Variants in CNTNAP5 observed in about 807,000 individuals in gnomAD.
CNTNAP5 encodes the protein contactin-associated protein-like 5.
In CNTNAP5, 72 loss-of-function variants were observed where a neutral mutation model predicts 150.2. That is an observed-to-expected ratio of 0.48 (90% CI 0.40 to 0.58). The LOEUF is 0.58. Ranked by LOEUF, CNTNAP5 falls within the 20% of genes least tolerant of loss-of-function variation. The pLI is 0.00. For synonymous variants in CNTNAP5, 672 were observed against 619.8 expected, an observed-to-expected ratio of 1.08 and a Z score of -1.25; for missense variants, 1,636 against 1,626.2, an observed-to-expected ratio of 1.01 and a Z score of -0.10.
At chr2:124,197,563 A>G (rs1283261880) in intron 1 of CNTNAP5, among the ~76,000 whole-genome samples, 7 of 152,208 alleles carry the variant, frequency 4.6e-5, no homozygotes, top group Admixed American at 4.6e-4. Context: ...CCTAGCACAC[A>G]TGGGGAGGAC....
chr2:124,228,119 A>G (rs1218256554), intron 2 of CNTNAP5, among the ~76,000 whole-genome samples: 3 of 152,108 alleles, frequency 2.0e-5, no homozygotes, highest in Admixed American at 1.3e-4. Context: ...GTGACCCTCC[A>G]TCTGAGGCCC....
chr2:124,430,650 T>C (rs1432213620), intron 4 of CNTNAP5, among the ~76,000 whole-genome samples: 4 of 152,178 alleles, frequency 2.6e-5, no homozygotes, highest in African/African-American at 4.8e-5. Flanking sequence ...ATGTTTCTTA[T>C]GCTTTTTAAC....
intron 17 of CNTNAP5, among the ~76,000 whole-genome samples, chr2:124,786,028 C>T (rs116515573): frequency 4.0e-5 from 6 of 151,788 alleles, no homozygotes; most frequent in African/African-American, 1.5e-4. Context: ...TCGAGCTCAG[C>T]GTTTTGAGAT....
rs986261319 is a variant in CNTNAP5, at chr2:124,025,460, A to G, written c.-191A>G. ...TTGCGGGGACCGTAGCCCCAGCTGC[A>G]GCTCCGAAGAATCCCCCGCCACGGT... On this transcript the variant is annotated 5_prime_UTR_variant, in exon 1 of 24. Coordinates refer to ENST00000682447, the MANE Select transcript of CNTNAP5 (RefSeq NM_001367498.1). 1.7e-6 allele frequency: 1 copy of G among 603,910 alleles called. No homozygotes were observed. Among genetic ancestry groups the G allele is most frequent in the South Asian group, 1.9e-5 (1 of 51,920 alleles). 37.4% of individuals were successfully genotyped at this position (603,910 alleles called of 1,614,324 possible). A position where few individuals can be genotyped will look rare whatever the true frequency, so the allele number is the denominator to read the frequency against.
intron 12 of CNTNAP5, among the ~76,000 whole-genome samples, chr2:124,611,676 CT>C (rs1558704087): frequency 1.3e-5 from 2 of 152,136 alleles, no homozygotes; most frequent in African/African-American, 4.8e-5. Flanking sequence ...TTTTACTGAG[CT>C]TTTCAAGTGA....
intron 23 of CNTNAP5, among the ~76,000 whole-genome samples, chr2:124,912,371 C>T (rs1370546339): frequency 6.6e-6 from 1 of 151,968 alleles, no homozygotes; most frequent in East Asian, 1.9e-4. Context: ...TTTAATGAGC[C>T]TTGCTATGGG....
At chr2:124,162,985 C>T (rs1558781714) in intron 1 of CNTNAP5, among the ~76,000 whole-genome samples, 2 of 151,748 alleles carry the variant, frequency 1.3e-5, no homozygotes, top group African/African-American at 4.8e-5. Context: ...TTGAAGTTGA[C>T]AAAAAAGGGG....
intron 13 of CNTNAP5, among the ~76,000 whole-genome samples, chr2:124,733,439 G>C (rs2105129623): frequency 6.6e-6 from 1 of 152,222 alleles, no homozygotes; most frequent in Admixed American, 6.5e-5. Flanking sequence ...CTTTGAAAAA[G>C]AAGGGAAGTA....
chr2:124,066,207 T>C (rs1682149092), intron 1 of CNTNAP5, among the ~76,000 whole-genome samples: 2 of 152,186 alleles, frequency 1.3e-5, no homozygotes, highest in African/African-American at 4.8e-5. Context: ...TTTCCCCACA[T>C]CTTGAAAAGC....
At chr2:124,026,155 C>G (rs950297365) in intron 1 of CNTNAP5, among the ~76,000 whole-genome samples, 17 of 152,256 alleles carry the variant, frequency 1.1e-4, no homozygotes, top group African/African-American at 4.1e-4. Context: ...TGCAGTGCCT[C>G]GGATTTGCAG....
At chr2:124,578,276 G>C (rs1316983891) in intron 11 of CNTNAP5, among the ~76,000 whole-genome samples, 2 of 149,950 alleles carry the variant, frequency 1.3e-5, no homozygotes, top group Non-Finnish European at 2.9e-5. Context: ...GCTGCAGTGA[G>C]CTGAGATGGA....
chr2:124,501,628 G>C (rs1249447546), intron 7 of CNTNAP5, among the ~76,000 whole-genome samples: 2 of 152,166 alleles, frequency 1.3e-5, no homozygotes, highest in African/African-American at 4.8e-5. Context: ...GATTTCAAAA[G>C]TAGCATTTTT....
intron 8 of CNTNAP5, among the ~76,000 whole-genome samples, chr2:124,523,538 A>C (rs932077469): frequency 6.6e-6 from 1 of 152,220 alleles, no homozygotes; most frequent in African/African-American, 2.4e-5. Flanking sequence ...GGTCAGCAGC[A>C]CAGGGTACAG....
chr2:124,589,564 G>C (rs1696632741), intron 11 of CNTNAP5, among the ~76,000 whole-genome samples: 1 of 152,050 alleles, frequency 6.6e-6, no homozygotes, highest in African/African-American at 2.4e-5. Context: ...TTAACCTCCT[G>C]CCTCCTTTTT....
At position 124,847,272 on chromosome 2, in the gene CNTNAP5, G is replaced by T. The variant is rs1683069067; in HGVS notation, c.3218-18034G>T. Among the ~76,000 whole-genome samples the T allele has an allele frequency of 2.0e-5, 3 of 152,098 alleles. 1 individual carries two copies. The highest frequency in any genetic ancestry group is 2.0e-4 in the Admixed American group (3 of 15,270). On this transcript the variant is annotated intron_variant, in intron 19 of 23. Transcript: ENST00000682447. ...GCTTTCTGAGTTCAGCCTCTCTTTG[G>T]GCAGGGCTTGCTGCAGCTGCTGTGG...
At chr2:124,358,791 T>G (rs1409770074) in intron 3 of CNTNAP5, among the ~76,000 whole-genome samples, 1 of 151,784 alleles carries the variant, frequency 6.6e-6, no homozygotes, top group Non-Finnish European at 1.5e-5. Flanking sequence ...TCTGCCAGGC[T>G]TTGGTATCAG....
At chr2:124,786,505 GAAAA>G (rs1363582748) in intron 17 of CNTNAP5, among the ~76,000 whole-genome samples, 8 of 83,032 alleles carry the variant, frequency 9.6e-5, no homozygotes, top group Non-Finnish European at 1.6e-4. Context: ...GGGAGGGAAA[GAAAA>G]AGAAAGAAAG....
intron 6 of CNTNAP5, among the ~76,000 whole-genome samples, chr2:124,467,941 G>C (rs1287265320): frequency 1.3e-5 from 2 of 152,052 alleles, no homozygotes; most frequent in African/African-American, 4.8e-5. Flanking sequence ...ACATTATTGG[G>C]TATATATTGG....
At chr2:124,537,098 G>T (rs1205061021) in intron 10 of CNTNAP5, among the ~76,000 whole-genome samples, 2 of 152,046 alleles carry the variant, frequency 1.3e-5, no homozygotes, top group African/African-American at 4.8e-5. Context: ...ACAATGTTGT[G>T]AGGTTAATAT....
Sources: allele counts gnomAD v4.1 joint callset (sites outside exome capture counted in the v4.1 genomes callset), GRCh38; gene constraint gnomAD v4.1.1; transcripts MANE v1.5; gene names NCBI Gene and HGNC (gene_info 2026-07-23, HGNC 2026-07-21).